The following MARCHF1 variants were observed in gnomAD, a reference collection of about 807,000 sequenced individuals.
MARCHF1 encodes the protein E3 ubiquitin-protein ligase MARCHF1.
A neutral mutation model predicts 54.2 loss-of-function variants in MARCHF1; 40 were observed. The ratio of observed to expected loss-of-function variants is 0.74; its 90% CI spans 0.57 to 0.96. MARCHF1 has a LOEUF of 0.96. Ranked by LOEUF, MARCHF1 falls within the 40% of genes least tolerant of loss-of-function variation. MARCHF1 has a pLI of 0.00. For synonymous variants in MARCHF1, 236 were observed against 236.3 expected, an observed-to-expected ratio of 1.00 and a Z score of 0.01; for missense variants, 586 against 656.5, an observed-to-expected ratio of 0.89 and a Z score of 1.17.
At chr4:163,653,994 T>G (rs2111079037) in intron 5 of MARCHF1, among the ~76,000 whole-genome samples, 1 of 151,868 alleles carries the variant, frequency 6.6e-6, no homozygotes, top group Non-Finnish European at 1.5e-5. Flanking sequence ...ACTCTGATAT[T>G]AGAGTTCAGA....
chr4:164,230,020 C>G (rs559845708), intron 1 of MARCHF1, among the ~76,000 whole-genome samples: 91 of 152,158 alleles, frequency 6.0e-4, no homozygotes, highest in Non-Finnish European at 1.2e-3. Flanking sequence ...CTCAAGCAAT[C>G]TTCCTACTTC....
chr4:163,938,803 G>A lies in MARCHF1; in HGVS notation c.-39+49698C>T, dbSNP rs115507403. ...TTATATTGTGGCAGCAAGGAGAAGC[G>A]CAGAGTGAAGCAGGAAGCAGGGAAC... On this transcript the variant is annotated intron_variant, in intron 3 of 9. Coordinates refer to ENST00000514618, the MANE Select transcript of MARCHF1 (RefSeq NM_001394959.1). 9.6e-3 allele frequency among the ~76,000 whole-genome samples: 1,463 copies of A among 152,174 alleles called. 22 individuals carry two copies. Among genetic ancestry groups the A allele is most frequent in the African/African-American group, 0.03 (1,245 of 41,520 alleles).
chr4:163,846,629 G>T (rs1749492053), intron 4 of MARCHF1, among the ~76,000 whole-genome samples: 1 of 152,096 alleles, frequency 6.6e-6, no homozygotes, highest in South Asian at 2.1e-4. Context: ...CAGAATATTA[G>T]TATAACAGAA....
At chr4:163,977,244 A>G (rs1478578507) in intron 3 of MARCHF1, among the ~76,000 whole-genome samples, 1 of 152,078 alleles carries the variant, frequency 6.6e-6, no homozygotes, top group African/African-American at 2.4e-5. Flanking sequence ...TCAGTCAGGA[A>G]AATTATCTGT....
chr4:164,136,122 C>T (rs1352435547), intron 1 of MARCHF1, among the ~76,000 whole-genome samples: 1 of 151,348 alleles, frequency 6.6e-6, no homozygotes, highest in African/African-American at 2.4e-5. Flanking sequence ...TAAATATATC[C>T]TCACTGGGAG....
At chr4:164,199,673 C>CAGAGAG (rs1288691654) in intron 1 of MARCHF1, among the ~76,000 whole-genome samples, 24 of 60,738 alleles carry the variant, frequency 4.0e-4, no homozygotes, top group Non-Finnish European at 6.3e-4. Flanking sequence ...CACACACACA[C>CAGAGAG]ACACACACAG....
chr4:164,330,776 T>C lies in MARCHF1; in HGVS notation c.-323+53094A>G, dbSNP rs79732747. On this transcript the variant is annotated intron_variant, in intron 1 of 9. Coordinates refer to ENST00000514618, the MANE Select transcript of MARCHF1 (RefSeq NM_001394959.1). ...ATCATACTCAGCACCAAATTTCTTA[T>C]ATTAAAGATTATAGAACAGCACTGG... Among the ~76,000 whole-genome samples the C allele has an allele frequency of 1.4e-4, 21 of 152,290 alleles. No individual in the cohort carries two copies. In the East Asian group the frequency reaches 2.1e-3, roughly 15 times the overall value.
Position 164,164,873 on chromosome 4 carries a change from T to C in MARCHF1, c.-322-53211A>G, listed in dbSNP as rs535433487. Among the ~76,000 whole-genome samples the C allele has an allele frequency of 3.9e-5, 6 of 152,108 alleles. No homozygotes were observed. The South Asian group carries it at 1.0e-3, about 26-fold the overall frequency. On this transcript the variant is annotated intron_variant, in intron 1 of 9. Coordinates refer to ENST00000514618, the MANE Select transcript of MARCHF1 (RefSeq NM_001394959.1). ...ATAAAATGAAATAAGAAAACAACAA[T>C]GGGCCAAGTAAGACCCTCCTCAATT...
intron 2 of MARCHF1, among the ~76,000 whole-genome samples, chr4:164,044,645 T>A (rs1295408426): frequency 6.6e-6 from 1 of 152,130 alleles, no homozygotes; most frequent in Non-Finnish European, 1.5e-5. Context: ...CTGGAATTAG[T>A]CCTAAGAACC....
rs920037994 is a variant in MARCHF1, at chr4:163,612,850, T to A, written c.431A>T (p.His144Leu). ...EQIRGRKNDFHLQISSPRWRE... is the reference protein window; with the variant it reads ...EQIRGRKNDFLLQISSPRWRE... ...CCACCTGGGGCTTGAGATTTGAAGG[T>A]GAAAGTCATTTTTTCTCCCTCTTAT... Residue 144 changes from histidine (H) to leucine (L), a missense_variant, in exon 7 of 10, where the codon CAC (histidine) becomes CTC (leucine). His to Leu is a moderately conservative substitution (Grantham distance 99, BLOSUM62 -3). Transcript: ENST00000514618. 3.9e-6 allele frequency: 6 copies of A among 1,535,122 alleles called. No individual in the cohort carries two copies. The highest frequency in any genetic ancestry group is 2.7e-5 in the African/African-American group (2 of 72,938).
At chr4:163,797,205 T>C (rs980121191) in intron 4 of MARCHF1, among the ~76,000 whole-genome samples, 3 of 152,130 alleles carry the variant, frequency 2.0e-5, no homozygotes, top group East Asian at 1.9e-4. Context: ...TTTATATTGC[T>C]CTCAGGTTTC....
rs372995567 is a variant in MARCHF1 at position 163,733,488 on chromosome 4, G to T, written c.112-32625C>A. ...TTATTATTATACTTTAAGTTTTAGGGTACATGTGCACAATGTGCAGGTTTG... is the reference window on the plus strand; with the variant it reads ...TTATTATTATACTTTAAGTTTTAGGTTACATGTGCACAATGTGCAGGTTTG... On this transcript the variant is annotated intron_variant, in intron 4 of 9. Transcript: ENST00000514618. Among the ~76,000 whole-genome samples, 525 of 148,158 alleles carry T rather than the reference G, an allele frequency of 3.5e-3. 1 individual carries two copies. The highest frequency in any genetic ancestry group is 8.3e-3 in the Admixed American group (122 of 14,716).
At chr4:164,219,143 TTTG>T (rs1373983006) in intron 1 of MARCHF1, among the ~76,000 whole-genome samples, 6 of 152,248 alleles carry the variant, frequency 3.9e-5, no homozygotes, top group Admixed American at 6.5e-5. Flanking sequence ...GCTGTCTCGG[TTTG>T]GGCATTCATC....
At chr4:164,155,589 C>A (rs538879844) in intron 1 of MARCHF1, among the ~76,000 whole-genome samples, 16 of 152,038 alleles carry the variant, frequency 1.1e-4, no homozygotes, top group African/African-American at 3.9e-4. Context: ...CAAAGCAAGT[C>A]GAATACCACA....
At chr4:163,917,641 A>G (rs1365250595) in intron 3 of MARCHF1, among the ~76,000 whole-genome samples, 1 of 152,036 alleles carries the variant, frequency 6.6e-6, no homozygotes, top group African/African-American at 2.4e-5. Flanking sequence ...TTTAAGTTCC[A>G]GGGTACATGT....
chr4:163,558,226 C>A (rs921027536), intron 8 of MARCHF1, among the ~76,000 whole-genome samples: 1 of 152,096 alleles, frequency 6.6e-6, no homozygotes, highest in Non-Finnish European at 1.5e-5. Context: ...GTGGAACAGG[C>A]GTGAACGGTT....
chr4:163,792,983 A>G (rs1747811478), intron 4 of MARCHF1, among the ~76,000 whole-genome samples: 1 of 152,202 alleles, frequency 6.6e-6, no homozygotes, highest in Non-Finnish European at 1.5e-5. Flanking sequence ...CTCTAAAGCG[A>G]ATCTTCCTTT....
At chr4:164,289,602 A>AC (rs1464548660) in intron 1 of MARCHF1, among the ~76,000 whole-genome samples, 1 of 151,534 alleles carries the variant, frequency 6.6e-6, no homozygotes, top group Non-Finnish European at 1.5e-5. Context: ...AAAAAAAAAA[A>AC]AAACCTGTTC....
At chr4:164,197,843 A>G in intron 1 of MARCHF1, 2 of 1,428,440 alleles carry the variant, frequency 1.4e-6, no homozygotes, top group Non-Finnish European at 1.8e-6. Context: ...CCCAATATTT[A>G]CAAATATTAT....
Sources: allele counts gnomAD v4.1 joint callset (sites outside exome capture counted in the v4.1 genomes callset), GRCh38; gene constraint gnomAD v4.1.1; transcripts MANE v1.5; gene names NCBI Gene and HGNC (gene_info 2026-07-23, HGNC 2026-07-21).